SEC24B: variants seen among roughly 807,000 people sequenced by gnomAD.
SEC24B encodes the protein protein transport protein Sec24B.
A neutral mutation model predicts 142.8 loss-of-function variants in SEC24B; 45 were observed. That is an observed-to-expected ratio of 0.32 (90% CI 0.25 to 0.40). The LOEUF (loss-of-function observed/expected upper bound fraction) is 0.40, where lower values mean the gene tolerates loss of function less well. Ranked by LOEUF, SEC24B falls within the 10% of genes least tolerant of loss-of-function variation. The pLI is 1.00. For missense variants in SEC24B, 1,409 were observed against 1,526.8 expected, an observed-to-expected ratio of 0.92 and a Z score of 1.29; for synonymous variants, 574 against 568.2, an observed-to-expected ratio of 1.01 and a Z score of -0.15.
At chr4:109,440,248 T>TC (rs997691779) in intron 1 of SEC24B, among the ~76,000 whole-genome samples, 3 of 152,184 alleles carry the variant, frequency 2.0e-5, no homozygotes, top group Admixed American at 2.0e-4. Context: ...TTCACTCCCT[T>TC]CCTCTCCCCC....
chr4:109,458,532 C>T (rs1730931220), intron 1 of SEC24B, among the ~76,000 whole-genome samples: 1 of 152,048 alleles, frequency 6.6e-6, no homozygotes, highest in African/African-American at 2.4e-5. Context: ...AAATTACCTA[C>T]AGATCTATTT....
In SEC24B at chr4:109,496,645, G is replaced by T. The variant is rs182703668; in HGVS notation, c.1488+1789G>T. Among the ~76,000 whole-genome samples the T allele has an allele frequency of 3.9e-5, 6 of 152,264 alleles. No individual in the cohort carries two copies. The East Asian group carries it at 1.2e-3, about 29-fold the overall frequency. On this transcript the variant is annotated intron_variant, in intron 6 of 23. Transcript: ENST00000265175. ...GTGACATACCAAGAGCCCATCTTGAGCAGGGGTGGGGCAAAAGAAAAAGGA... is the reference window on the plus strand; with the variant it reads ...GTGACATACCAAGAGCCCATCTTGATCAGGGGTGGGGCAAAAGAAAAAGGA...
At chr4:109,532,072 G>T (rs1477994376) in intron 20 of SEC24B, among the ~76,000 whole-genome samples, 7 of 152,016 alleles carry the variant, frequency 4.6e-5, no homozygotes, top group African/African-American at 7.2e-5. Context: ...GGCCAGGCTG[G>T]CCTCAAACTC....
At chr4:109,510,665 A>C (rs1041845335) in intron 8 of SEC24B, among the ~76,000 whole-genome samples, 1 of 152,244 alleles carries the variant, frequency 6.6e-6, no homozygotes, top group African/African-American at 2.4e-5. Context: ...AAATTTGTTA[A>C]TTCAACAAAT....
Position 109,539,711 on chromosome 4 carries a change from C to A in SEC24B, c.*36C>A. 7.3e-7 allele frequency: 1 copy of A among 1,369,658 alleles called. No individual in the cohort carries two copies. The highest frequency in any genetic ancestry group is 1.0e-6 in the Non-Finnish European group (1 of 964,378). The allele number at this position is 1,369,658 out of a possible 1,614,324, so 84.8% of individuals were successfully genotyped here. On this transcript the variant is annotated 3_prime_UTR_variant, in exon 24 of 24. Coordinates refer to ENST00000265175, the MANE Select transcript of SEC24B (RefSeq NM_006323.5). ...AATTGAATAAGAAAAAGATCTATAA[C>A]CTAGGTAAAGCATAATCTGTCAGAG...
chr4:109,537,314 T>C (rs764713292), intron 22 of SEC24B, among the ~76,000 whole-genome samples: 4 of 152,254 alleles, frequency 2.6e-5, no homozygotes, highest in African/African-American at 4.8e-5. Flanking sequence ...ATAGTACTTA[T>C]ATAACCTTTT....
chr4:109,490,056 C>A (rs1207103342), intron 4 of SEC24B, among the ~76,000 whole-genome samples: 1 of 152,020 alleles, frequency 6.6e-6, no homozygotes, highest in Non-Finnish European at 1.5e-5. Context: ...GTCTTCATAT[C>A]CACTGTCTCA....
At chr4:109,502,849 T>A (rs1462308544) in intron 6 of SEC24B, among the ~76,000 whole-genome samples, 1 of 152,204 alleles carries the variant, frequency 6.6e-6, no homozygotes. Flanking sequence ...AAAATTTTTT[T>A]ATAATTATTG....
intron 1 of SEC24B, 86 bp downstream of exon 1, chr4:109,434,088 C>G (rs1171764615): frequency 2.2e-6 from 2 of 904,922 alleles, no homozygotes; most frequent in South Asian, 5.1e-5. Flanking sequence ...CGGGCCGGGC[C>G]GGGAAGGGCG....
At chr4:109,442,460 A>G (rs1227985729) in intron 1 of SEC24B, among the ~76,000 whole-genome samples, 2 of 152,196 alleles carry the variant, frequency 1.3e-5, no homozygotes, top group Non-Finnish European at 2.9e-5. Context: ...TAATTGAGTG[A>G]TGAATGAATT....
rs188381733 is a variant in SEC24B, at chr4:109,521,157, A to G, written c.2286A>G (p.Leu762=). The G allele has an allele frequency of 3.9e-6, 6 of 1,519,206 alleles. No homozygotes were observed. Among genetic ancestry groups the G allele is most frequent in the African/African-American group, 2.7e-5 (2 of 72,770 alleles). The allele number at this position is 1,519,206 out of a possible 1,614,324, so 94.1% of individuals were successfully genotyped here. The stretch of plus-strand genomic sequence containing the variant: ...CACCGGATAGTTTACTTGTGAATCT[A>G]TATGAAAGTAAAGAGGTAAGATTGA... The part of the protein sequence containing the change: ...LPTPDSLLVN[L]YESKELIKDL... Residue 762 remains leucine (L), a synonymous_variant, in exon 13 of 24, where the codon CTA becomes CTG. Coordinates refer to ENST00000265175, the MANE Select transcript of SEC24B (RefSeq NM_006323.5).
chr4:109,538,547 A>T lies in SEC24B; in HGVS notation c.3643A>T (p.Thr1215Ser). 2 of 1,613,454 alleles carry T rather than the reference A, an allele frequency of 1.2e-6. No homozygotes were observed. Among genetic ancestry groups the T allele is most frequent in the Non-Finnish European group, 1.7e-6 (2 of 1,179,442 alleles). The change falls in exon 23 of 24, where the codon ACT becomes TCT. Residue 1215 changes from threonine to serine, a missense_variant. Physicochemically the swap from Thr to Ser is moderately conservative, Grantham distance 58. This residue lies in a region of SEC24B where 700 missense variants were observed against 853.3 expected (regional missense o/e 0.82). Transcript: ENST00000265175. ...ATCAGAAAGAGCCAGATCCTTCATA[A>T]CTTGGCTTAGAGACAGCAGACCATT... ...LSSERARSFI[T>S]WLRDSRPLSP...
At chr4:109,445,072 C>T (rs895574154) in intron 1 of SEC24B, among the ~76,000 whole-genome samples, 16 of 151,912 alleles carry the variant, frequency 1.1e-4, no homozygotes, top group South Asian at 2.1e-4. Flanking sequence ...TACAGGTGTG[C>T]GCCACTACAC....
intron 21 of SEC24B, 64 bp from the exon 22 acceptor site, chr4:109,533,529 G>T: frequency 1.0e-6 from 1 of 982,348 alleles, no homozygotes; most frequent in East Asian, 2.4e-5. Flanking sequence ...ATAATTTTGA[G>T]AACATTAATG....
At chr4:109,466,537 A>C (rs1223322128) in intron 2 of SEC24B, among the ~76,000 whole-genome samples, 3 of 152,286 alleles carry the variant, frequency 2.0e-5, no homozygotes, top group African/African-American at 7.2e-5. Context: ...CAGCCTGCCG[A>C]GTAGCTGGGA....
intron 7 of SEC24B, among the ~76,000 whole-genome samples, chr4:109,509,063 G>A (rs1374211921): frequency 6.6e-6 from 1 of 152,176 alleles, no homozygotes; most frequent in African/African-American, 2.4e-5. Context: ...GGTGACTCTT[G>A]TAAATAGAAG....
intron 1 of SEC24B, among the ~76,000 whole-genome samples, chr4:109,455,057 G>T (rs191899209): frequency 6.6e-6 from 1 of 152,096 alleles, no homozygotes; most frequent in Admixed American, 6.5e-5. Flanking sequence ...CTATCTTTGG[G>T]TCTACACGTT....
In SEC24B at chr4:109,498,175, T is replaced by G. The variant is rs1361892846; in HGVS notation, c.1488+3319T>G. On this transcript the variant is annotated intron_variant, in intron 6 of 23. Coordinates refer to ENST00000265175, the MANE Select transcript of SEC24B (RefSeq NM_006323.5). ...GATAGATGGATCTTTCCAAGGAAGA[T>G]TACAAGCAGCTATTTTTGTCTGATC... is the stretch of plus-strand genomic sequence containing the variant. 3.3e-5 allele frequency among the ~76,000 whole-genome samples: 5 copies of G among 152,254 alleles called. No individual in the cohort carries two copies. The East Asian group carries it at 9.7e-4, about 29-fold the overall frequency.
rs766603002 is a variant in SEC24B, at chr4:109,512,098, C to A, written c.1903+15C>A. The A allele has an allele frequency of 3.2e-6, 5 of 1,578,750 alleles. No individual in the cohort carries two copies. In the African/African-American group the frequency reaches 5.5e-5, roughly 17 times the overall value. Reference sequence around the variant, plus strand: ...AGTAAACGATGGTGAGTTTTAGATTCTTAATTGTGTTTTAATCCTATTTTC... The same window carrying A: ...AGTAAACGATGGTGAGTTTTAGATTATTAATTGTGTTTTAATCCTATTTTC... On this transcript the variant is annotated intron_variant, in intron 9 of 23. Coordinates refer to ENST00000265175, the MANE Select transcript of SEC24B (RefSeq NM_006323.5).
Sources: allele counts gnomAD v4.1 joint callset (sites outside exome capture counted in the v4.1 genomes callset), GRCh38; gene constraint gnomAD v4.1.1; regional missense constraint gnomAD v4.1.1; transcripts MANE v1.5; gene names NCBI Gene and HGNC (gene_info 2026-07-23, HGNC 2026-07-21).